The following NLGN1 variants were observed in gnomAD, a reference collection of about 807,000 sequenced individuals.
NLGN1 encodes neuroligin-1.
In NLGN1, 12 loss-of-function variants were observed where a neutral mutation model predicts 65.5. The ratio of observed to expected loss-of-function variants is 0.18; its 90% CI spans 0.12 to 0.30. The LOEUF is 0.30. Ranked by LOEUF, NLGN1 falls within the 10% of genes least tolerant of loss-of-function variation. The pLI, the probability that NLGN1 is intolerant of heterozygous loss-of-function variation, is 1.00. For synonymous variants in NLGN1, 350 were observed against 359.5 expected (o/e 0.97, Z 0.30); for missense variants, 750 against 1,007.1 (o/e 0.74, Z 3.46).
intron 4 of NLGN1, among the ~76,000 whole-genome samples, chr3:173,850,577 C>T (rs764787727): frequency 1.3e-4 from 20 of 152,202 alleles, no homozygotes; most frequent in Non-Finnish European, 2.1e-4. Flanking sequence ...GACATTCATT[C>T]CAAGTGATTA....
rs78728064 is a variant in NLGN1, at chr3:173,944,671, G to C, written c.646+136839G>C. The stretch of plus-strand genomic sequence containing the variant: ...ATCAACTCAGGTTCAACTGGAAAGT[G>C]TGAAACTCCTCTCTAAGGCTTTTAC... On this transcript the variant is annotated intron_variant, in intron 4 of 6. Coordinates refer to ENST00000457714, the Ensembl canonical transcript of NLGN1. Among the ~76,000 whole-genome samples the C allele has an allele frequency of 3.4e-3, 516 of 152,326 alleles. 1 individual carries two copies. Among genetic ancestry groups the C allele is most frequent in the African/African-American group, 0.012 (490 of 41,582 alleles).
chr3:174,036,634 T>C (rs925905117), intron 4 of NLGN1, among the ~76,000 whole-genome samples: 7 of 149,816 alleles, frequency 4.7e-5, no homozygotes, highest in African/African-American at 1.7e-4. Context: ...CAGGGGTACA[T>C]GTGCAGGTTT....
chr3:173,916,337 A>G (rs1033932705), intron 4 of NLGN1, among the ~76,000 whole-genome samples: 2 of 152,180 alleles, frequency 1.3e-5, no homozygotes, highest in Non-Finnish European at 2.9e-5. Flanking sequence ...TCTATGGCAT[A>G]CTACAAATAT....
intron 3 of NLGN1, among the ~76,000 whole-genome samples, chr3:173,634,129 T>C (rs528133618): frequency 9.2e-5 from 14 of 152,116 alleles, no homozygotes; most frequent in Non-Finnish European, 1.6e-4. Context: ...TTTTAATTTC[T>C]AAAGAAATAC....
At chr3:173,747,806 T>C (rs1246409424) in intron 3 of NLGN1, among the ~76,000 whole-genome samples, 3,979 of 112,982 alleles carry the variant, frequency 0.035, 172 homozygotes, top group Middle Eastern at 0.052. Context: ...TTGTTCTTTT[T>C]TTTTTTTTTT....
At chr3:174,102,133 G>C (rs1460246094) in intron 4 of NLGN1, among the ~76,000 whole-genome samples, 7 of 152,148 alleles carry the variant, frequency 4.6e-5, no homozygotes, top group Non-Finnish European at 5.9e-5. Context: ...AGAGGCCTTT[G>C]TGGTTGCCAT....
At chr3:173,973,261 A>G (rs1368252293) in intron 4 of NLGN1, among the ~76,000 whole-genome samples, 4 of 152,126 alleles carry the variant, frequency 2.6e-5, no homozygotes, top group Non-Finnish European at 5.9e-5. Flanking sequence ...TGTAGTTCTG[A>G]TTAGTCTAGT....
intron 3 of NLGN1, among the ~76,000 whole-genome samples, chr3:173,778,752 T>A (rs1351718476): frequency 6.6e-6 from 1 of 151,902 alleles, no homozygotes; most frequent in Non-Finnish European, 1.5e-5. Flanking sequence ...AACTGACAGT[T>A]GATTTTTTTT....
intron 4 of NLGN1, among the ~76,000 whole-genome samples, chr3:173,841,589 G>A (rs1029674706): frequency 1.1e-4 from 16 of 152,162 alleles, no homozygotes; most frequent in Non-Finnish European, 1.8e-4. Flanking sequence ...CATTCGGATG[G>A]CATGCATGGA....
intron 4 of NLGN1, among the ~76,000 whole-genome samples, chr3:173,845,371 T>C (rs866754012): frequency 1.3e-5 from 2 of 152,196 alleles, no homozygotes; most frequent in African/African-American, 2.4e-5. Flanking sequence ...TGCCATCTAC[T>C]TTCTATTATA....
chr3:173,647,794 C>G (rs1758511342), intron 3 of NLGN1, among the ~76,000 whole-genome samples: 1 of 151,810 alleles, frequency 6.6e-6, no homozygotes, highest in African/African-American at 2.4e-5. Flanking sequence ...TCTGCCAAAG[C>G]CAATAACATG....
intron 4 of NLGN1, among the ~76,000 whole-genome samples, chr3:173,829,613 C>A (rs1722093356): frequency 6.6e-6 from 1 of 151,692 alleles, no homozygotes; most frequent in South Asian, 2.1e-4. Context: ...AGAAACTGCT[C>A]TTATCAAATT....
At chr3:174,179,294 G>A (rs889038064) in intron 4 of NLGN1, among the ~76,000 whole-genome samples, 1 of 152,078 alleles carries the variant, frequency 6.6e-6, no homozygotes, top group Non-Finnish European at 1.5e-5. Flanking sequence ...AGGTCCATGT[G>A]TACCTGTAGA....
At chr3:173,813,416 G>A (rs1466110736) in intron 4 of NLGN1, among the ~76,000 whole-genome samples, 4 of 152,128 alleles carry the variant, frequency 2.6e-5, no homozygotes, top group Admixed American at 6.5e-5. Context: ...ATCCAAATGC[G>A]TTCTTGAGAT....
intron 3 of NLGN1, among the ~76,000 whole-genome samples, chr3:173,629,793 AAG>A (rs1755392619): frequency 6.6e-6 from 1 of 152,144 alleles, no homozygotes; most frequent in Non-Finnish European, 1.5e-5. Flanking sequence ...GCTTAAAAAA[AAG>A]AGACACGACT....
intron 4 of NLGN1, among the ~76,000 whole-genome samples, chr3:174,170,032 G>C (rs1326317426): frequency 2.0e-5 from 3 of 151,988 alleles, no homozygotes; most frequent in Non-Finnish European, 2.9e-5. Context: ...CACTCACTTT[G>C]AACAACCAGA....
At chr3:174,002,744 TG>T (rs35040350) in intron 4 of NLGN1, among the ~76,000 whole-genome samples, 1 of 151,820 alleles carries the variant, frequency 6.6e-6, no homozygotes. Context: ...TAGCACCCCC[TG>T]GGGGAAAAAA....
chr3:173,731,791 A>T (rs1560256385), intron 3 of NLGN1, among the ~76,000 whole-genome samples: 1 of 152,110 alleles, frequency 6.6e-6, no homozygotes, highest in Non-Finnish European at 1.5e-5. Context: ...TATATAAAGG[A>T]GATGTGCAAA....
At chr3:173,623,155 C>G (rs1754281827) in intron 3 of NLGN1, among the ~76,000 whole-genome samples, 3 of 151,994 alleles carry the variant, frequency 2.0e-5, no homozygotes, top group Admixed American at 6.6e-5. Flanking sequence ...AAAATGGCCT[C>G]TACATAAACC....
Sources: allele counts gnomAD v4.1 joint callset (sites outside exome capture counted in the v4.1 genomes callset), GRCh38; gene constraint gnomAD v4.1.1; transcripts MANE v1.5; gene names NCBI Gene and HGNC (gene_info 2026-07-23, HGNC 2026-07-21).